FTO: variants seen among roughly 807,000 people sequenced by gnomAD.
The protein encoded by FTO is alpha-ketoglutarate-dependent dioxygenase FTO.
Under a neutral mutation model 63.9 loss-of-function variants are expected in FTO, and 47 were observed. The ratio of observed to expected loss-of-function variants is 0.74; its 90% CI spans 0.58 to 0.94. The LOEUF is 0.94. FTO is among the 40% of genes least tolerant of loss of function. The pLI is 0.00. For synonymous variants in FTO, 207 were observed against 224.4 expected, an observed-to-expected ratio of 0.92 and a Z score of 0.69; for missense variants, 562 against 618.1, an observed-to-expected ratio of 0.91 and a Z score of 0.96.
At position 53,764,489 on chromosome 16, in the gene FTO, A is replaced by G. The variant is rs893484303; in HGVS notation, c.46-45651A>G. Among the ~76,000 whole-genome samples the G allele has an allele frequency of 1.3e-3, 197 of 151,378 alleles. 1 individual carries two copies. The highest frequency in any genetic ancestry group is 1.6e-3 in the Non-Finnish European group (107 of 67,834). ...TACTAAAAATACAAAAAAAAAAAAA[A>G]AAGAAAAGAGGGGCTGAATTAACTG... is the stretch of plus-strand genomic sequence containing the variant. On this transcript the variant is annotated intron_variant, in intron 1 of 8. Transcript: ENST00000471389.
intron 8 of FTO, among the ~76,000 whole-genome samples, chr16:54,049,255 T>C (rs16952906): frequency 0.09 from 13,648 of 152,278 alleles, 694 homozygotes; most frequent in South Asian, 0.25. Context: ...AGTTTATTTC[T>C]ACAAGTACCG....
At chr16:53,727,807 A>G (rs2076185283) in intron 1 of FTO, among the ~76,000 whole-genome samples, 1 of 152,140 alleles carries the variant, frequency 6.6e-6, no homozygotes, top group Non-Finnish European at 1.5e-5. Flanking sequence ...AAAAATAGAG[A>G]TACTAATATG....
intron 8 of FTO, among the ~76,000 whole-genome samples, chr16:53,958,346 G>A (rs2143604306): frequency 6.6e-6 from 1 of 152,312 alleles, no homozygotes; most frequent in East Asian, 1.9e-4. Flanking sequence ...CTGAGTGATT[G>A]TGCCTCTTCC....
At chr16:53,716,076 C>T (rs944388110) in intron 1 of FTO, among the ~76,000 whole-genome samples, 2 of 151,982 alleles carry the variant, frequency 1.3e-5, no homozygotes, top group Non-Finnish European at 2.9e-5. Context: ...GGAGCATGGG[C>T]GCAATAGTAA....
chr16:53,765,388 CTA>C (rs2077175434), intron 1 of FTO, among the ~76,000 whole-genome samples: 2 of 150,972 alleles, frequency 1.3e-5, no homozygotes, highest in Non-Finnish European at 3.0e-5. Context: ...GAAACCCGGT[CTA>C]CTAAAAATAC....
chr16:54,014,966 C>CT (rs1365468691), intron 8 of FTO, among the ~76,000 whole-genome samples: 1 of 151,506 alleles, frequency 6.6e-6, no homozygotes, highest in African/African-American at 2.4e-5. Context: ...AGCAATCCTC[C>CT]TGCCTCAGCC....
At chr16:53,953,499 C>T (rs1567469250) in intron 8 of FTO, among the ~76,000 whole-genome samples, 1 of 152,272 alleles carries the variant, frequency 6.6e-6, no homozygotes, top group East Asian at 1.9e-4. Context: ...AAACAGTAAC[C>T]ATTTATAGTC....
intron 1 of FTO, among the ~76,000 whole-genome samples, chr16:53,778,903 G>C (rs943766144): frequency 2.7e-5 from 4 of 147,242 alleles, no homozygotes; most frequent in Admixed American, 6.9e-5. Context: ...GAAAAATAAT[G>C]AATGACAAGT....
At chr16:53,882,238 C>T (rs1025817491) in intron 6 of FTO, among the ~76,000 whole-genome samples, 16 of 152,042 alleles carry the variant, frequency 1.1e-4, no homozygotes, top group African/African-American at 3.1e-4. Flanking sequence ...TGAGCACGTG[C>T]CAGACACTCT....
chr16:53,994,010 C>T (rs1476762305), intron 8 of FTO: 1 of 152,166 alleles, frequency 6.6e-6, no homozygotes, highest in Non-Finnish European at 1.5e-5. Context: ...AAACCTAGTT[C>T]ATAGTAATTT....
At chr16:53,709,581 G>A (rs2075717757) in intron 1 of FTO, among the ~76,000 whole-genome samples, 1 of 152,078 alleles carries the variant, frequency 6.6e-6, no homozygotes, top group Admixed American at 6.6e-5. Flanking sequence ...TGGCCTGAGG[G>A]GTCCTCTGCT....
rs377313729 is a variant in FTO, at chr16:53,967,848, C to T, written c.1364+33739C>T. ...GGATTAATTTAGAGAAGGGCAAATC[C>T]GGTTTTGACGGTTGTGCTTGTGTGT... is the stretch of plus-strand genomic sequence containing the variant. On this transcript the variant is annotated intron_variant, in intron 8 of 8. Coordinates refer to ENST00000471389, the MANE Select transcript of FTO (RefSeq NM_001080432.3). Among the ~76,000 whole-genome samples the T allele has an allele frequency of 2.6e-5, 4 of 152,260 alleles. No individual in the cohort carries two copies. The East Asian group carries it at 5.8e-4, about 22-fold the overall frequency.
intron 8 of FTO, among the ~76,000 whole-genome samples, chr16:54,051,205 T>C (rs1162806807): frequency 6.6e-6 from 1 of 152,158 alleles, no homozygotes; most frequent in Non-Finnish European, 1.5e-5. Context: ...GTTGCTAACA[T>C]GATGAAGGCC....
In FTO at chr16:53,785,558, A is replaced by G. The variant is rs144252483; in HGVS notation, c.46-24582A>G. 2.3e-3 allele frequency among the ~76,000 whole-genome samples: 354 copies of G among 152,280 alleles called. 1 individual carries two copies. Among genetic ancestry groups the G allele is most frequent in the African/African-American group, 8.1e-3 (338 of 41,554 alleles). ...AGGAAACATCATTTGAAGGACAGAA[A>G]GAAGGCCTACATGATTTGAGAATGG... On this transcript the variant is annotated intron_variant, in intron 1 of 8. Coordinates refer to ENST00000471389, the MANE Select transcript of FTO (RefSeq NM_001080432.3).
chr16:53,766,329 G>T (rs575095274), intron 1 of FTO, among the ~76,000 whole-genome samples: 1 of 152,076 alleles, frequency 6.6e-6, no homozygotes, highest in Non-Finnish European at 1.5e-5. Context: ...AGGCTTCAGC[G>T]ATCCTCTCAC....
intron 4 of FTO, among the ~76,000 whole-genome samples, chr16:53,846,072 T>G (rs2079610993): frequency 6.6e-6 from 1 of 152,174 alleles, no homozygotes; most frequent in South Asian, 2.1e-4. Flanking sequence ...TTTTTTTAAG[T>G]GATCTTCCTA....
chr16:53,750,670 A>G (rs529264782), intron 1 of FTO, among the ~76,000 whole-genome samples: 1 of 152,204 alleles, frequency 6.6e-6, no homozygotes, highest in Non-Finnish European at 1.5e-5. Context: ...AAGTTTGCTG[A>G]CCTTGGTAAG....
intron 1 of FTO, among the ~76,000 whole-genome samples, chr16:53,761,199 G>C (rs1014653897): frequency 4.0e-5 from 6 of 151,432 alleles, no homozygotes; most frequent in African/African-American, 7.3e-5. Context: ...TGGGCTGAAG[G>C]GATCCTCCTG....
At chr16:54,068,109 C>T (rs1197902438) in intron 8 of FTO, among the ~76,000 whole-genome samples, 1 of 152,152 alleles carries the variant, frequency 6.6e-6, no homozygotes, top group Non-Finnish European at 1.5e-5. Context: ...AATTAACCAC[C>T]CAATGCCAGC....
Sources: allele counts gnomAD v4.1 joint callset (sites outside exome capture counted in the v4.1 genomes callset), GRCh38; gene constraint gnomAD v4.1.1; transcripts MANE v1.5; gene names NCBI Gene and HGNC (gene_info 2026-07-23, HGNC 2026-07-21).